The following PTGR1 variants were observed in gnomAD, a reference collection of about 807,000 sequenced individuals.
PTGR1 encodes 15-oxoprostaglandin 13-reductase.
Under a neutral mutation model 37.7 loss-of-function variants are expected in PTGR1, and 23 were observed. The observed-to-expected ratio is 0.61, with a 90% CI of 0.44 to 0.86. The LOEUF is 0.86. Ranked by LOEUF, PTGR1 falls within the 40% of genes least tolerant of loss-of-function variation. The probability of loss-of-function intolerance (pLI) is 0.00; values close to 1 mark genes in which losing one functional copy is unlikely to be tolerated. For synonymous variants in PTGR1, 134 were observed against 140.0 expected, an observed-to-expected ratio of 0.96 and a Z score of 0.30; for missense variants, 351 against 394.3, an observed-to-expected ratio of 0.89 and a Z score of 0.93.
chr9:111,561,110 T>TATATATATATATATATAGAG (rs1457364862), downstream of PTGR1, among the ~76,000 whole-genome samples: 1 of 19,198 alleles, frequency 5.2e-5, no homozygotes, highest in African/African-American at 3.9e-4. Flanking sequence ...TATATATATA[T>TATATATATATATATATAGAG]AGAGAGAGAG....
intron 9 of PTGR1, among the ~76,000 whole-genome samples, chr9:111,552,868 C>T (rs1043738838): frequency 4.6e-5 from 7 of 152,072 alleles, no homozygotes; most frequent in Admixed American, 4.6e-4. Context: ...TTAATGGTTT[C>T]ATTGACGTTT....
At chr9:111,563,461 A>G (rs1828403141) in intron 9 of PTGR1, 2 of 405,144 alleles carry the variant, frequency 4.9e-6, no homozygotes, top group South Asian at 6.6e-5. Context: ...GTGTCGGATC[A>G]TAGTGCGAAA....
intron 4 of PTGR1, among the ~76,000 whole-genome samples, chr9:111,587,905 T>G (rs1020198640): frequency 3.9e-5 from 6 of 152,190 alleles, no homozygotes; most frequent in Admixed American, 1.3e-4. Flanking sequence ...CCCCCATTAT[T>G]AGGATACTTT....
intron 2 of PTGR1, among the ~76,000 whole-genome samples, chr9:111,597,089 C>T (rs951720897): frequency 2.0e-5 from 3 of 152,168 alleles, no homozygotes; most frequent in Non-Finnish European, 4.4e-5. Context: ...AGAAAGCCTG[C>T]TAATCAGCAG....
chr9:111,583,550 C>T lies in PTGR1; in HGVS notation c.417G>A (p.Val139=), dbSNP rs1363677113. The T allele has an allele frequency of 6.2e-7, 1 of 1,614,052 alleles. No homozygotes were observed. The highest frequency in any genetic ancestry group is 1.7e-5 in the Admixed American group (1 of 60,030). ...AYFGLLEICG[V]KGGETVMVNA... is the part of the protein sequence containing the mutation. ...TAACCATCACTGTTTCTCCACCCTT[C>T]ACACCACAGATTTCAAGTAGGCCAA... is the stretch of plus-strand genomic sequence containing the variant. Residue 139 remains valine, a synonymous_variant, in exon 6 of 10, where the codon GTG becomes GTA. Coordinates refer to ENST00000407693, the MANE Select transcript of PTGR1 (RefSeq NM_001146108.2).
chr9:111,570,290 T>C, intron 8 of PTGR1, 81 bp from the exon 9 acceptor site: 2 of 1,508,640 alleles, frequency 1.3e-6, no homozygotes, highest in Non-Finnish European at 8.8e-7. Flanking sequence ...TCACTGTCAC[T>C]GTGCTTGGTG....
intron 7 of PTGR1, chr9:111,576,422 C>G (rs1002594369): frequency 2.5e-6 from 4 of 1,613,912 alleles, no homozygotes; most frequent in Non-Finnish European, 3.4e-6. Context: ...TAAGACCATG[C>G]TCTGCCTTCT....
At chr9:111,571,624 C>T (rs1370867295) in intron 8 of PTGR1, among the ~76,000 whole-genome samples, 4 of 151,954 alleles carry the variant, frequency 2.6e-5, no homozygotes, top group Middle Eastern at 3.4e-3. Flanking sequence ...ACTATAGGTG[C>T]ATGCCACCAC....
intron 9 of PTGR1, among the ~76,000 whole-genome samples, chr9:111,554,937 A>C (rs1828077911): frequency 6.6e-6 from 1 of 152,164 alleles, no homozygotes; most frequent in Non-Finnish European, 1.5e-5. Context: ...GGGACCCTAA[A>C]TGTCAGTGCC....
At chr9:111,571,650 T>C (rs1443248666) in intron 8 of PTGR1, among the ~76,000 whole-genome samples, 1 of 142,106 alleles carries the variant, frequency 7.0e-6, no homozygotes, top group African/African-American at 2.4e-5. Flanking sequence ...GCTAATTTTT[T>C]TTAGTTTTTG....
At chr9:111,588,290 C>G (rs192521884) in intron 4 of PTGR1, among the ~76,000 whole-genome samples, 7 of 150,304 alleles carry the variant, frequency 4.7e-5, no homozygotes, top group Admixed American at 4.0e-4. Context: ...TCCGCCTCCC[C>G]GGTTCACACC....
chr9:111,599,254 C>T (rs934585587), intron 1 of PTGR1: 1 of 152,326 alleles, frequency 6.6e-6, no homozygotes, highest in Non-Finnish European at 1.5e-5. Context: ...CGAATCCCCA[C>T]CCCGATCTTT....
intron 6 of PTGR1, among the ~76,000 whole-genome samples, chr9:111,582,184 A>G (rs1019295012): frequency 2.0e-5 from 3 of 150,914 alleles, no homozygotes; most frequent in African/African-American, 2.4e-5. Flanking sequence ...ATTAATAAGA[A>G]TGACTTAAAT....
intron 9 of PTGR1, 118 bp downstream of exon 9, chr9:111,569,973 T>C (rs1035341522): frequency 3.3e-6 from 5 of 1,496,096 alleles, no homozygotes; most frequent in African/African-American, 1.4e-5. Flanking sequence ...AATGACCCAA[T>C]AGGGAAAAAC....
intron 1 of PTGR1, among the ~76,000 whole-genome samples, chr9:111,597,983 T>A (rs1056796616): frequency 6.7e-6 from 1 of 148,390 alleles, no homozygotes; most frequent in African/African-American, 2.5e-5. Context: ...CTCCGCCCCA[T>A]TTTCAGGTGC....
chr9:111,555,965 C>CT (rs1828110449), intron 9 of PTGR1, among the ~76,000 whole-genome samples: 2 of 152,324 alleles, frequency 1.3e-5, no homozygotes, highest in South Asian at 4.2e-4. Flanking sequence ...CTCAAAAGTC[C>CT]AAGTCCAAAG....
Position 111,570,346 on chromosome 9 carries a change from T to C in PTGR1, c.761-137A>G, listed in dbSNP as rs117809079. On this transcript the variant is annotated intron_variant, in intron 8 of 9. Coordinates refer to ENST00000407693, the MANE Select transcript of PTGR1 (RefSeq NM_001146108.2). ...CTCCCCTTCCATTTCCTCACTCCTT[T>C]CTGATCCACGGGACTGCTGGCCAAT... is the stretch of plus-strand genomic sequence containing the variant. 6.5e-3 allele frequency: 9,044 copies of C among 1,390,094 alleles called. 37 individuals carry two copies. Among genetic ancestry groups the C allele is most frequent in the Non-Finnish European group, 7.4e-3 (7,793 of 1,053,968 alleles). 86.1% of individuals were successfully genotyped at this position (1,390,094 alleles called of 1,614,324 possible).
In PTGR1 at chr9:111,594,213, AAAT is replaced by A. The variant is rs1412225061; in HGVS notation, c.152+6_152+8del. On this transcript the variant is annotated splice_donor_region_variant and intron_variant, in intron 3 of 9. Coordinates refer to ENST00000407693, the MANE Select transcript of PTGR1 (RefSeq NM_001146108.2). ...GCATTAGCATTTTGAGGGGCGAAAT[AAAT>A]AATACCTCATGTAGGGATCCACGGT... The A allele has an allele frequency of 6.2e-7, 1 of 1,610,292 alleles. No individual in the cohort carries two copies. Among genetic ancestry groups the A allele is most frequent in the Middle Eastern group, 1.6e-4 (1 of 6,080 alleles).
chr9:111,569,907 T>G, intron 9 of PTGR1, 184 bp downstream of exon 9: 2 of 919,762 alleles, frequency 2.2e-6, no homozygotes, highest in Non-Finnish European at 3.2e-6. Context: ...TTAGAGAGGG[T>G]TGTTTTGTTT....
Sources: allele counts gnomAD v4.1 joint callset (sites outside exome capture counted in the v4.1 genomes callset), GRCh38; gene constraint gnomAD v4.1.1; transcripts MANE v1.5; gene names NCBI Gene and HGNC (gene_info 2026-07-23, HGNC 2026-07-21).